The following LRRC71 variants were observed in gnomAD, a reference collection of about 807,000 sequenced individuals.
LRRC71 encodes leucine rich repeat containing 71.
In LRRC71, 54 loss-of-function variants were observed where a neutral mutation model predicts 66.6. The ratio of observed to expected loss-of-function variants is 0.81; its 90% CI spans 0.65 to 1.02. LRRC71 has a LOEUF of 1.02. Ranked by LOEUF, LRRC71 falls within the 50% of genes least tolerant of loss-of-function variation. The pLI, the probability that LRRC71 is intolerant of heterozygous loss-of-function variation, is 0.00. For synonymous variants in LRRC71, 323 were observed against 303.9 expected (o/e 1.06, Z -0.65); for missense variants, 724 against 718.0 (o/e 1.01, Z -0.10).
chr1:156,937,095 G>A, downstream of LRRC71: 1 of 1,567,400 alleles, frequency 6.4e-7, no homozygotes, highest in Non-Finnish European at 8.7e-7. Flanking sequence ...TGGGGAGGAG[G>A]GTGTGATTTA....
In LRRC71 at chr1:156,933,084, C is replaced by A. The variant is rs547176726; in HGVS notation, c.*115C>A. The A allele has an allele frequency of 4.2e-6, 3 of 718,594 alleles. No individual in the cohort carries two copies. The highest frequency in any genetic ancestry group is 5.6e-5 in the East Asian group (2 of 35,894). 44.5% of individuals were successfully genotyped at this position (718,594 alleles called of 1,614,324 possible). ...ACCAATAACAAAGTCTGTTGCTATA[C>A]TTTTCCTTGAGGTCGTCTGAAAACT... On this transcript the variant is annotated 3_prime_UTR_variant, in exon 15 of 15. Transcript: ENST00000337428.
chr1:156,921,026 G>A, intron 1 of LRRC71, 63 bp downstream of exon 1: 1 of 1,437,466 alleles, frequency 7.0e-7, no homozygotes, highest in Non-Finnish European at 9.2e-7. Flanking sequence ...GTTCCCACTA[G>A]CTACTCACTG....
At chr1:156,939,868 C>G in the LRRC71 span, 1 of 1,610,174 alleles carries the variant, frequency 6.2e-7, no homozygotes, top group South Asian at 1.1e-5. Context: ...CATGGTGTGA[C>G]CTGGCAGCAG....
At chr1:156,927,102 C>A in intron 5 of LRRC71, 100 bp from the exon 6 acceptor site, 1 of 1,034,526 alleles carries the variant, frequency 9.7e-7, no homozygotes, top group Non-Finnish European at 1.4e-6. Context: ...TTTGACTCTA[C>A]TTCCTAGCTG....
At position 156,929,689 on chromosome 1, in the gene LRRC71, A is replaced by G. The variant is rs1176218973; in HGVS notation, c.1200A>G (p.Gly400=). ...KLGSGQSPTQ[G]TPKKEDATKA... Reference sequence around the variant, plus strand: ...GGTCTGGGCAGTCACCCACACAAGGAACCCCTAAGAAGGAAGATGCCACAA... The same window carrying G: ...GGTCTGGGCAGTCACCCACACAAGGGACCCCTAAGAAGGAAGATGCCACAA... The change falls in exon 11 of 15, where the codon GGA becomes GGG. Residue 400 remains glycine (G), a synonymous_variant. Transcript: ENST00000337428. The G allele has an allele frequency of 6.3e-7, 1 of 1,580,976 alleles. No homozygotes were observed. Among genetic ancestry groups the G allele is most frequent in the South Asian group, 1.2e-5 (1 of 86,030 alleles).
chr1:156,925,854 CTG>C (rs1178234149), intron 5 of LRRC71, among the ~76,000 whole-genome samples: 1 of 152,230 alleles, frequency 6.6e-6, no homozygotes, highest in African/African-American at 2.4e-5. Context: ...CCCCAGCACT[CTG>C]TGTAAAACAC....
In LRRC71 at chr1:156,932,845, CT is replaced by C; in HGVS notation, c.1564-4del. ...CTTGTCAGATGTCAGCCTTCCTTTT[CT>C]TTTCAGAAAAATTGCTTCGCCCCAC... On this transcript the variant is annotated splice_polypyrimidine_tract_variant and splice_region_variant and intron_variant, in intron 14 of 14. Coordinates refer to ENST00000337428, the MANE Select transcript of LRRC71 (RefSeq NM_144702.3). 6.6e-7 allele frequency: 1 copy of C among 1,517,212 alleles called. No homozygotes were observed. Among genetic ancestry groups the C allele is most frequent in the Non-Finnish European group, 8.9e-7 (1 of 1,123,560 alleles). The allele number at this position is 1,517,212 out of a possible 1,614,324, so 94.0% of individuals were successfully genotyped here. A position where few individuals can be genotyped will look rare whatever the true frequency, so the allele number is the denominator to read the frequency against.
intron 9 of LRRC71, among the ~76,000 whole-genome samples, chr1:156,928,472 C>A (rs1196233742): frequency 6.0e-5 from 8 of 134,080 alleles, no homozygotes; most frequent in African/African-American, 2.2e-4. Context: ...TTCTTCTCTT[C>A]TTCCTCTTCC....
At position 156,927,633 on chromosome 1, in the gene LRRC71, AG is replaced by A; in HGVS notation, c.803del (p.Gly268AlafsTer11). The A allele has an allele frequency of 6.2e-7, 1 of 1,604,552 alleles. No individual in the cohort carries two copies. Among genetic ancestry groups the A allele is most frequent in the Non-Finnish European group, 8.5e-7 (1 of 1,175,680 alleles). On this transcript the variant is annotated frameshift_variant, in exon 7 of 15. Transcript: ENST00000337428. LOFTEE classifies it high-confidence loss of function. ...LNLGFNHIGD[E>X]GAGYIADGLR... is the part of the protein sequence containing the mutation. Reference sequence around the variant, plus strand: ...CTGGGTTTCAACCACATCGGTGACGAGGGCGCAGGCTACATCGCGGACGTGA... The same window carrying A: ...CTGGGTTTCAACCACATCGGTGACGAGGCGCAGGCTACATCGCGGACGTGA...
At chr1:156,923,827 T>C in intron 1 of LRRC71, 122 bp from the exon 2 acceptor site, 1 of 1,047,370 alleles carries the variant, frequency 9.5e-7, no homozygotes, top group Non-Finnish European at 1.3e-6. Flanking sequence ...CTTCCAAGCG[T>C]TTGCAAGTTG....
chr1:156,924,800 A>C, intron 4 of LRRC71, 82 bp downstream of exon 4: 1 of 1,393,706 alleles, frequency 7.2e-7, no homozygotes, highest in Non-Finnish European at 9.8e-7. Flanking sequence ...ACCAAGGGGC[A>C]TGGGAGACCC....
In LRRC71 at chr1:156,927,412, C is replaced by T. The variant is rs1429315456; in HGVS notation, c.663-84C>T. ...CCCTACATCCTCAGACCAGACCGCC[C>T]CCTCAAGCGCTCAAGTCTCCCATAT... On this transcript the variant is annotated intron_variant, in intron 6 of 14. Coordinates refer to ENST00000337428, the MANE Select transcript of LRRC71 (RefSeq NM_144702.3). The T allele has an allele frequency of 1.2e-5, 18 of 1,512,452 alleles. No homozygotes were observed. The Admixed American group carries it at 1.2e-4, about 10-fold the overall frequency. The allele number at this position is 1,512,452 out of a possible 1,614,324, so 93.7% of individuals were successfully genotyped here.
At chr1:156,929,189 C>T in intron 9 of LRRC71, 91 bp from the exon 10 acceptor site, 2 of 1,462,912 alleles carry the variant, frequency 1.4e-6, no homozygotes, top group Non-Finnish European at 1.8e-6. Flanking sequence ...AGCTCGACTG[C>T]TCCCCAAGTA....
At chr1:156,932,265 G>A in intron 13 of LRRC71, 159 bp from the exon 14 acceptor site, 5 of 683,580 alleles carry the variant, frequency 7.3e-6, no homozygotes, top group South Asian at 5.4e-5. Flanking sequence ...GAGTGTGTGA[G>A]TAAGAGCTGA....
intron 11 of LRRC71, among the ~76,000 whole-genome samples, chr1:156,930,060 T>TTCTTTCTTTTTCTTTTTCTTTC (rs746194831): frequency 1.4e-4 from 18 of 126,180 alleles, no homozygotes; most frequent in African/African-American, 6.2e-4. Flanking sequence ...CTTTCTTTCT[T>TTCTTTCTTTTTCTTTTTCTTTC]TTTCTTTCTT....
At chr1:156,938,393 T>G in the LRRC71 span, 1 of 1,607,772 alleles carries the variant, frequency 6.2e-7, no homozygotes, top group Non-Finnish European at 8.5e-7. Flanking sequence ...TGGCCTGTCT[T>G]TAGCTCCAAG....
downstream of LRRC71, among the ~76,000 whole-genome samples, chr1:156,936,497 A>AATATAT (rs1553192804): frequency 0.028 from 949 of 33,818 alleles, 44 homozygotes; most frequent in East Asian, 0.11. Context: ...AAAAAAAAAA[A>AATATAT]ATATATATAT....
chr1:156,932,410 G>C lies in LRRC71; in HGVS notation c.1442-14G>C. On this transcript the variant is annotated splice_polypyrimidine_tract_variant and intron_variant, in intron 13 of 14. Transcript: ENST00000337428. ...TGTGGTGCTAAGAGGCCACCTGTCT[G>C]TAACTTCCACCAGGGAACCGCATCA... 6.2e-7 allele frequency: 1 copy of C among 1,609,808 alleles called. No homozygotes were observed. The highest frequency in any genetic ancestry group is 8.5e-7 in the Non-Finnish European group (1 of 1,177,664).
chr1:156,938,790 A>T, the LRRC71 span: 1 of 437,122 alleles, frequency 2.3e-6, no homozygotes, highest in Admixed American at 4.1e-5. Flanking sequence ...GCTGGAAGGG[A>T]GGCAGAGTGG....
Sources: gnomAD v4.1 joint callset for allele counts (sites outside exome capture counted in the v4.1 genomes callset) on GRCh38, gnomAD v4.1.1 for gene constraint, MANE v1.5 for transcripts, NCBI Gene and HGNC (gene_info 2026-07-23, HGNC 2026-07-21) for gene names.